The following HCN1 variants were observed in gnomAD, a reference collection of about 807,000 sequenced individuals.
HCN1 encodes hyperpolarization activated cyclic nucleotide gated potassium channel 1.
Under a neutral mutation model 78.9 loss-of-function variants are expected in HCN1, and 13 were observed. The observed-to-expected ratio is 0.16, with a 90% CI of 0.11 to 0.26. HCN1 has a LOEUF of 0.26. HCN1 is among the 10% of genes least tolerant of loss of function. The probability of loss-of-function intolerance (pLI) is 1.00; values close to 1 mark genes in which losing one functional copy is unlikely to be tolerated. For synonymous variants in HCN1, 552 were observed against 455.5 expected (o/e 1.21, Z -2.70); for missense variants, 810 against 1,154.3 (o/e 0.70, Z 4.32).
chr5:45,488,590 T>G (rs1561172814), intron 2 of HCN1, among the ~76,000 whole-genome samples: 1 of 152,122 alleles, frequency 6.6e-6, no homozygotes. Context: ...ATTGAAATGC[T>G]CTAAAGAGCT....
chr5:45,427,141 G>C (rs1740368491), intron 3 of HCN1, among the ~76,000 whole-genome samples: 1 of 152,006 alleles, frequency 6.6e-6, no homozygotes, highest in Non-Finnish European at 1.5e-5. Context: ...CTCCTACACA[G>C]CATGTTGACA....
chr5:45,535,877 TG>T (rs1320053662), intron 2 of HCN1, among the ~76,000 whole-genome samples: 3 of 152,182 alleles, frequency 2.0e-5, no homozygotes, highest in African/African-American at 7.2e-5. Flanking sequence ...TTCAATGTCT[TG>T]TAACAAGGGT....
intron 6 of HCN1, among the ~76,000 whole-genome samples, chr5:45,284,370 T>C (rs1157811213): frequency 2.0e-5 from 3 of 152,090 alleles, no homozygotes; most frequent in Non-Finnish European, 4.4e-5. Flanking sequence ...CTAACAAACA[T>C]TTTTGAAATA....
intron 2 of HCN1, among the ~76,000 whole-genome samples, chr5:45,490,220 A>C (rs1477134731): frequency 6.6e-6 from 1 of 152,172 alleles, no homozygotes; most frequent in African/African-American, 2.4e-5. Context: ...GAATGCCAAC[A>C]GTGCAATACA....
At chr5:45,626,333 C>T (rs960357092) in intron 2 of HCN1, among the ~76,000 whole-genome samples, 10 of 152,262 alleles carry the variant, frequency 6.6e-5, no homozygotes, top group Middle Eastern at 3.4e-3. Context: ...TGAAATACTA[C>T]GCTCAGCAAT....
chr5:45,354,678 A>G (rs1746975002), intron 4 of HCN1, among the ~76,000 whole-genome samples: 1 of 151,996 alleles, frequency 6.6e-6, no homozygotes. Flanking sequence ...AGTACCCTCA[A>G]AGGAAATACC....
intron 2 of HCN1, among the ~76,000 whole-genome samples, chr5:45,539,919 G>GATATATATATATAT (rs66934051): frequency 2.2e-4 from 28 of 126,078 alleles, no homozygotes; most frequent in African/African-American, 9.0e-4. Flanking sequence ...TAAATTGTGA[G>GATATATATATATAT]ATATATATAT....
intron 3 of HCN1, among the ~76,000 whole-genome samples, chr5:45,428,853 C>CTA (rs893864384): frequency 1.3e-5 from 2 of 151,718 alleles, no homozygotes; most frequent in South Asian, 2.1e-4. Context: ...TATTAATGTA[C>CTA]TATATATATT....
rs1028699131 is a variant in HCN1 at position 45,667,413 on chromosome 5, TA to T, written c.426-21806del. On this transcript the variant is annotated intron_variant, in intron 1 of 7. Transcript: ENST00000303230. The stretch of plus-strand genomic sequence containing the variant: ...TTGAGTAAAAATTATATATCAGACT[TA>T]AAAAAAATAAAGGTATTTAAGACTT... 2.0e-4 allele frequency among the ~76,000 whole-genome samples: 30 copies of T among 151,820 alleles called. No homozygotes were observed. In the East Asian group the frequency reaches 2.9e-3, roughly 15 times the overall value.
chr5:45,494,106 G>A (rs913933187), intron 2 of HCN1, among the ~76,000 whole-genome samples: 2 of 152,082 alleles, frequency 1.3e-5, no homozygotes, highest in Non-Finnish European at 2.9e-5. Context: ...AGTCCTTTGG[G>A]TATATACCCA....
chr5:45,558,364 G>C (rs1013689798), intron 2 of HCN1: 4 of 152,066 alleles, frequency 2.6e-5, no homozygotes, highest in Non-Finnish European at 5.9e-5. Context: ...TAAGGAAAGA[G>C]GCTGTTTCCA....
chr5:45,307,403 T>C (rs1182710552), intron 5 of HCN1, among the ~76,000 whole-genome samples: 2 of 152,062 alleles, frequency 1.3e-5, no homozygotes, highest in Non-Finnish European at 2.9e-5. Context: ...AGGGGAAAAG[T>C]AGTAACTTTC....
chr5:45,448,255 T>G, intron 3 of HCN1, among the ~76,000 whole-genome samples: 1 of 152,188 alleles, frequency 6.6e-6, no homozygotes, highest in East Asian at 1.9e-4. Flanking sequence ...CATCTTAAGG[T>G]GCAATTCACA....
chr5:45,600,786 G>C (rs1744606751), intron 2 of HCN1, among the ~76,000 whole-genome samples: 1 of 152,172 alleles, frequency 6.6e-6, no homozygotes, highest in South Asian at 2.1e-4. Flanking sequence ...ATTCCAGCCA[G>C]TGACTGTTAT....
chr5:45,276,447 C>T (rs1745060531), intron 6 of HCN1, among the ~76,000 whole-genome samples: 1 of 152,008 alleles, frequency 6.6e-6, no homozygotes, highest in South Asian at 2.1e-4. Flanking sequence ...TAAGTATTAC[C>T]ACTGATAAGC....
chr5:45,256,483 T>C lies in HCN1; in HGVS notation c.*5438A>G, dbSNP rs867678173. The C allele has an allele frequency of 1.3e-5, 2 of 151,944 alleles. No homozygotes were observed. The highest frequency in any genetic ancestry group is 6.6e-5 in the Admixed American group (1 of 15,254). 9.4% of individuals were successfully genotyped at this position (151,944 alleles called of 1,614,324 possible). ...TTCACCTTTGCCACTCTTTGGAGCG[T>C]GTGTGATATCTCCAATAGAAATTAA... On this transcript the variant is annotated 3_prime_UTR_variant, in exon 8 of 8. Coordinates refer to ENST00000303230, the MANE Select transcript of HCN1 (RefSeq NM_021072.4).
chr5:45,495,644 A>T (rs936931538), intron 2 of HCN1, among the ~76,000 whole-genome samples: 37 of 152,206 alleles, frequency 2.4e-4, no homozygotes, highest in African/African-American at 8.0e-4. Flanking sequence ...TATGTTGAAT[A>T]GGAGTGGTGA....
At chr5:45,408,881 A>G (rs1739976157) in intron 3 of HCN1, among the ~76,000 whole-genome samples, 1 of 152,160 alleles carries the variant, frequency 6.6e-6, no homozygotes, top group Admixed American at 6.5e-5. Flanking sequence ...TCTGCTCTTT[A>G]TAAACAAAGT....
chr5:45,586,028 G>A (rs1389910045), intron 2 of HCN1, among the ~76,000 whole-genome samples: 2 of 152,140 alleles, frequency 1.3e-5, no homozygotes, highest in African/African-American at 2.4e-5. Context: ...TGCATGCTGG[G>A]AGAACCACTA....
Sources: allele counts gnomAD v4.1 joint callset (sites outside exome capture counted in the v4.1 genomes callset), GRCh38; gene constraint gnomAD v4.1.1; transcripts MANE v1.5; gene names NCBI Gene and HGNC (gene_info 2026-07-23, HGNC 2026-07-21).